The following PUS7 variants were observed in gnomAD, a reference collection of about 807,000 sequenced individuals.
PUS7 encodes pseudouridylate synthase 7 homolog.
In PUS7, 48 loss-of-function variants were observed where a neutral mutation model predicts 79.8. The observed-to-expected ratio is 0.60, with a 90% CI of 0.48 to 0.76. The LOEUF (loss-of-function observed/expected upper bound fraction) is 0.76, where lower values mean the gene tolerates loss of function less well. Ranked by LOEUF, PUS7 falls within the 30% of genes least tolerant of loss-of-function variation. The pLI, the probability that PUS7 is intolerant of heterozygous loss-of-function variation, is 0.00. For synonymous variants in PUS7, 286 were observed against 272.2 expected (o/e 1.05, Z -0.50); for missense variants, 729 against 797.6 (o/e 0.91, Z 1.04).
intron 5 of PUS7, among the ~76,000 whole-genome samples, chr7:105,498,726 T>A (rs1825134656): frequency 6.6e-6 from 1 of 152,228 alleles, no homozygotes; most frequent in Admixed American, 6.5e-5. Flanking sequence ...CCATTATCTT[T>A]ATTTTGTTAT....
At chr7:105,520,026 C>A (rs1371462276) in intron 1 of PUS7, among the ~76,000 whole-genome samples, 3 of 152,220 alleles carry the variant, frequency 2.0e-5, no homozygotes, top group Non-Finnish European at 2.9e-5. Flanking sequence ...CTGCCTCTAT[C>A]AAAAGACACG....
rs375358079 is a variant in PUS7, at chr7:105,491,525, G to A, written c.920+15C>T. On this transcript the variant is annotated intron_variant, in intron 7 of 15. Transcript: ENST00000469408. ...ATATTTACAGTATAAATCCTGTTACGTGCTCTCTACTTACTTGAGAACAGC... is the reference window on the plus strand; with the variant it reads ...ATATTTACAGTATAAATCCTGTTACATGCTCTCTACTTACTTGAGAACAGC... The A allele has an allele frequency of 5.2e-5, 79 of 1,517,034 alleles. No homozygotes were observed. The African/African-American group carries it at 9.1e-4, about 18-fold the overall frequency. 94.0% of individuals were successfully genotyped at this position (1,517,034 alleles called of 1,614,324 possible).
rs919225823 is a variant in PUS7, at chr7:105,456,895, C to T, written c.*895G>A. 1 of 151,846 alleles carries T rather than the reference C, an allele frequency of 6.6e-6. No homozygotes were observed. Among genetic ancestry groups the T allele is most frequent in the Admixed American group, 6.6e-5 (1 of 15,222 alleles). 9.4% of individuals were successfully genotyped at this position (151,846 alleles called of 1,614,324 possible). A position where few individuals can be genotyped will look rare whatever the true frequency, so the allele number is the denominator to read the frequency against. On this transcript the variant is annotated 3_prime_UTR_variant, in exon 16 of 16. Transcript: ENST00000469408. ...ACACGTTTACATCAAGAAAAAAAAACCCGGCCAGCACAGCTCATGCCTGTA... is the reference window on the plus strand; with the variant it reads ...ACACGTTTACATCAAGAAAAAAAAATCCGGCCAGCACAGCTCATGCCTGTA...
chr7:105,507,817 C>T (rs1327947732), intron 2 of PUS7, among the ~76,000 whole-genome samples: 3 of 152,202 alleles, frequency 2.0e-5, no homozygotes, highest in Non-Finnish European at 4.4e-5. Context: ...GCTGGGATAA[C>T]AGGCGTAAGC....
chr7:105,486,801 T>C (rs758887158), intron 7 of PUS7, among the ~76,000 whole-genome samples: 1 of 152,092 alleles, frequency 6.6e-6, no homozygotes, highest in Non-Finnish European at 1.5e-5. Context: ...GGCTCACGCC[T>C]GTAATCCCAG....
intron 7 of PUS7, among the ~76,000 whole-genome samples, chr7:105,488,627 A>G (rs1824649202): frequency 6.6e-6 from 1 of 152,246 alleles, no homozygotes; most frequent in Admixed American, 6.5e-5. Flanking sequence ...TCAAAAATAG[A>G]GTAATAGTTT....
At chr7:105,462,036 G>A (rs1823449123) in intron 14 of PUS7, among the ~76,000 whole-genome samples, 1 of 147,506 alleles carries the variant, frequency 6.8e-6, no homozygotes, top group South Asian at 2.2e-4. Context: ...GAAAGAACCT[G>A]CCTCTATTAA....
intron 12 of PUS7, among the ~76,000 whole-genome samples, chr7:105,467,437 C>T (rs913663627): frequency 6.6e-6 from 1 of 151,644 alleles, no homozygotes; most frequent in Non-Finnish European, 1.5e-5. Flanking sequence ...CTACAGGCGC[C>T]TGCCACCACG....
At chr7:105,508,807 G>C (rs1314564857) in intron 1 of PUS7, among the ~76,000 whole-genome samples, 1 of 146,300 alleles carries the variant, frequency 6.8e-6, no homozygotes, top group Non-Finnish European at 1.5e-5. Flanking sequence ...GGGAGGCAGA[G>C]GTTGCAGTGA....
At chr7:105,488,703 A>T (rs1176909094) in intron 7 of PUS7, among the ~76,000 whole-genome samples, 1 of 152,234 alleles carries the variant, frequency 6.6e-6, no homozygotes, top group Admixed American at 6.5e-5. Flanking sequence ...AAGGTACACC[A>T]TCTATTGTTC....
chr7:105,511,396 A>G (rs1157833370), intron 1 of PUS7, among the ~76,000 whole-genome samples: 2 of 151,580 alleles, frequency 1.3e-5, no homozygotes, highest in Non-Finnish European at 1.5e-5. Context: ...AGCTACTTGA[A>G]GTATGGTCTT....
rs11455671 is a variant in PUS7 at position 105,504,070 on chromosome 7, C to CTTTTTT, written c.586-1512_586-1507dup. Among the ~76,000 whole-genome samples, 861 of 136,924 alleles carry CTTTTTT rather than the reference C, an allele frequency of 6.3e-3. 13 individuals are homozygous for CTTTTTT. The highest frequency in any genetic ancestry group is 0.023 in the African/African-American group (833 of 37,000). The allele number at this position is 136,924 out of a possible 152,430, so 89.8% of individuals were successfully genotyped here. A position where few individuals can be genotyped will look rare whatever the true frequency, so the allele number is the denominator to read the frequency against. On this transcript the variant is annotated intron_variant, in intron 4 of 15. Coordinates refer to ENST00000469408, the MANE Select transcript of PUS7 (RefSeq NM_019042.5). ...CTGCTACTGGCTAAACTTGATGACA[C>CTTTTTT]TTTTTTTTTTTTTTTTGAGACACAG...
chr7:105,493,723 G>A (rs968348871), intron 6 of PUS7, among the ~76,000 whole-genome samples: 17 of 152,134 alleles, frequency 1.1e-4, no homozygotes, highest in Admixed American at 2.6e-4. Flanking sequence ...AGGGGTGTGC[G>A]TGCACAGGGA....
chr7:105,475,436 T>C (rs761496171), intron 9 of PUS7, among the ~76,000 whole-genome samples: 71 of 152,056 alleles, frequency 4.7e-4, no homozygotes, highest in Non-Finnish European at 9.6e-4. Context: ...CTGCCCCCCT[T>C]GGCCTCCTGG....
intron 1 of PUS7, among the ~76,000 whole-genome samples, chr7:105,520,097 G>A (rs1290969631): frequency 6.6e-6 from 1 of 152,176 alleles, no homozygotes; most frequent in African/African-American, 2.4e-5. Context: ...GCTGAGGCGG[G>A]TGGATCACCT....
At chr7:105,497,092 G>T in intron 5 of PUS7, 1 of 615,200 alleles carries the variant, frequency 1.6e-6, no homozygotes, top group Non-Finnish European at 2.1e-6. Context: ...GACTTCTACA[G>T]CACCCGGTAG....
chr7:105,484,539 C>T (rs901647499), intron 7 of PUS7, among the ~76,000 whole-genome samples: 72 of 151,686 alleles, frequency 4.7e-4, no homozygotes, highest in African/African-American at 1.7e-3. Context: ...AGCTCTGGGA[C>T]CGGGCGCGGT....
chr7:105,459,292 T>C (rs757285100), intron 14 of PUS7, 33 bp from the exon 15 acceptor site: 5 of 1,447,620 alleles, frequency 3.5e-6, no homozygotes, highest in Non-Finnish European at 4.8e-6. Context: ...TAAGTGTGAA[T>C]GTGAACTTTC....
At chr7:105,461,250 T>G (rs1258545921) in intron 14 of PUS7, among the ~76,000 whole-genome samples, 1 of 152,258 alleles carries the variant, frequency 6.6e-6, no homozygotes, top group Non-Finnish European at 1.5e-5. Context: ...TGCTCAGAGA[T>G]AGCTCTGTAA....
Sources: allele counts gnomAD v4.1 joint callset (sites outside exome capture counted in the v4.1 genomes callset), GRCh38; gene constraint gnomAD v4.1.1; transcripts MANE v1.5; gene names NCBI Gene and HGNC (gene_info 2026-07-23, HGNC 2026-07-21).